EYS: variants seen among roughly 807,000 people sequenced by gnomAD.
EYS encodes EGF-like photoreceptor maintenance factor.
Under a neutral mutation model 282.1 loss-of-function variants are expected in EYS, and 250 were observed. The ratio of observed to expected loss-of-function variants is 0.89; its 90% confidence interval spans 0.80 to 0.98. The LOEUF is 0.98. EYS is among the 50% of genes least tolerant of loss of function. EYS has a pLI of 0.00. For missense variants in EYS, 4,016 were observed against 3,709.0 expected, an observed-to-expected ratio of 1.08 and a Z score of -2.15; for synonymous variants, 1,355 against 1,282.9, an observed-to-expected ratio of 1.06 and a Z score of -1.20.
At chr6:65,508,067 C>G (rs1202811006) in intron 2 of EYS, among the ~76,000 whole-genome samples, 1 of 152,082 alleles carries the variant, frequency 6.6e-6, no homozygotes, top group African/African-American at 2.4e-5. Flanking sequence ...ATGTGGAGAT[C>G]TCTGTCAATG....
chr6:63,980,361 C>T (rs115449905), intron 35 of EYS, among the ~76,000 whole-genome samples: 3,442 of 151,772 alleles, frequency 0.023, 102 homozygotes, highest in African/African-American at 0.07. Context: ...GAGTCCTGGC[C>T]TAGAACAATT....
chr6:65,364,444 A>G (rs1455339603), intron 8 of EYS, among the ~76,000 whole-genome samples: 1 of 151,452 alleles, frequency 6.6e-6, no homozygotes, highest in African/African-American at 2.4e-5. Flanking sequence ...TGAGTTGAAA[A>G]AAATTTTTTC....
At chr6:63,731,001 C>A (rs1768768560) in intron 41 of EYS, among the ~76,000 whole-genome samples, 1 of 152,108 alleles carries the variant, frequency 6.6e-6, no homozygotes, top group African/African-American at 2.4e-5. Context: ...AGCCTGGTGA[C>A]AGAGCAAGAC....
intron 33 of EYS, among the ~76,000 whole-genome samples, chr6:64,041,102 C>T (rs1770368559): frequency 6.6e-6 from 1 of 152,078 alleles, no homozygotes; most frequent in South Asian, 2.1e-4. Flanking sequence ...TTTAAGATTT[C>T]TGTCCCCTTG....
rs34762215 is a variant in EYS at position 65,459,968 on chromosome 6, T to TTATATATATA, written c.862+30616_862+30625dup. 3.1e-3 allele frequency among the ~76,000 whole-genome samples: 252 copies of TTATATATATA among 80,618 alleles called. 2 individuals carry two copies. The highest frequency in any genetic ancestry group is 8.2e-3 in the Middle Eastern group (1 of 122). 52.9% of individuals were successfully genotyped at this position (80,618 alleles called of 152,430 possible). Reference sequence around the variant, plus strand: ...GTGTGTGTGTGTGTGTTTGTGTATTTTATATATATATATATATATATATAT... The same window carrying TTATATATATA: ...GTGTGTGTGTGTGTGTTTGTGTATTTTATATATATATATATATATATATATATATATATAT... On this transcript the variant is annotated intron_variant, in intron 5 of 42. Coordinates refer to ENST00000503581, the MANE Select transcript of EYS (RefSeq NM_001142800.2).
intron 30 of EYS, among the ~76,000 whole-genome samples, chr6:64,287,417 C>A (rs917571034): frequency 4.6e-5 from 7 of 151,924 alleles, no homozygotes; most frequent in African/African-American, 1.7e-4. Flanking sequence ...AAAATGAGTA[C>A]AAAATATACA....
intron 41 of EYS, among the ~76,000 whole-genome samples, chr6:63,737,251 A>G (rs1768940276): frequency 1.3e-5 from 2 of 152,180 alleles, no homozygotes; most frequent in African/African-American, 4.8e-5. Context: ...TATGATTTTG[A>G]GATACATCCC....
At chr6:65,316,966 C>T (rs1769311881) in intron 11 of EYS, among the ~76,000 whole-genome samples, 1 of 152,010 alleles carries the variant, frequency 6.6e-6, no homozygotes, top group African/African-American at 2.4e-5. Flanking sequence ...TGAATTGAAC[C>T]AGCATCATTT....
chr6:63,786,540 G>T (rs374185912), intron 39 of EYS, among the ~76,000 whole-genome samples: 12 of 152,026 alleles, frequency 7.9e-5, no homozygotes, highest in Middle Eastern at 3.4e-3. Context: ...GTCAAGGGGT[G>T]GGGGGCAAGG....
chr6:64,579,390 G>A (rs1397824336), intron 26 of EYS, among the ~76,000 whole-genome samples: 2 of 152,124 alleles, frequency 1.3e-5, no homozygotes. Context: ...TGGAACCTGA[G>A]CCAAGATAGT....
chr6:65,504,083 C>G (rs1240502485), intron 2 of EYS, among the ~76,000 whole-genome samples: 1 of 151,602 alleles, frequency 6.6e-6, no homozygotes, highest in African/African-American at 2.4e-5. Context: ...AATCAATGAA[C>G]ATGAAATCTC....
chr6:64,361,438 C>T (rs1383818140), intron 29 of EYS, among the ~76,000 whole-genome samples: 1 of 151,680 alleles, frequency 6.6e-6, no homozygotes, highest in Non-Finnish European at 1.5e-5. Flanking sequence ...GAAGCATTCA[C>T]AATGCAGCTT....
At chr6:64,059,122 C>A (rs901620073) in intron 33 of EYS, among the ~76,000 whole-genome samples, 1 of 152,094 alleles carries the variant, frequency 6.6e-6, no homozygotes, top group Non-Finnish European at 1.5e-5. Context: ...CTTTGCAGAT[C>A]CTCTTTCATC....
At chr6:64,865,373 G>T (rs1766396039) in intron 19 of EYS, among the ~76,000 whole-genome samples, 1 of 152,032 alleles carries the variant, frequency 6.6e-6, no homozygotes, top group African/African-American at 2.4e-5. Flanking sequence ...TTCTAAGAAG[G>T]CAATATATGA....
intron 12 of EYS, among the ~76,000 whole-genome samples, chr6:65,090,645 C>A (rs575879186): frequency 6.6e-6 from 1 of 152,050 alleles, no homozygotes; most frequent in Non-Finnish European, 1.5e-5. Context: ...GTCATGGGAG[C>A]GGCTGATGCA....
intron 26 of EYS, among the ~76,000 whole-genome samples, chr6:64,504,614 T>C (rs776441994): frequency 6.6e-6 from 1 of 152,168 alleles, no homozygotes; most frequent in Non-Finnish European, 1.5e-5. Context: ...CAGGGAAGAC[T>C]GGAGACTCAG....
intron 2 of EYS, among the ~76,000 whole-genome samples, chr6:65,525,507 C>T (rs748776824): frequency 6.6e-6 from 1 of 152,174 alleles, no homozygotes; most frequent in East Asian, 1.9e-4. Context: ...TGATTCCCCT[C>T]GCCCACCATC....
chr6:64,630,090 G>GT (rs1404703284), intron 22 of EYS, among the ~76,000 whole-genome samples: 2 of 151,706 alleles, frequency 1.3e-5, no homozygotes, highest in Non-Finnish European at 2.9e-5. Flanking sequence ...GATTTTTTTT[G>GT]TTTTTTGTTT....
intron 32 of EYS, among the ~76,000 whole-genome samples, chr6:64,076,204 TTATC>T (rs1164912757): frequency 1.3e-5 from 2 of 151,994 alleles, no homozygotes; most frequent in African/African-American, 4.8e-5. Context: ...TTGTTTCTAT[TTATC>T]AGAGGAATAA....
Sources: gnomAD v4.1 joint callset for allele counts (sites outside exome capture counted in the v4.1 genomes callset) on GRCh38, gnomAD v4.1.1 for gene constraint, MANE v1.5 for transcripts, NCBI Gene and HGNC (gene_info 2026-07-23, HGNC 2026-07-21) for gene names.